Variants in TM7SF3 observed in about 807,000 individuals in gnomAD.
TM7SF3 encodes transmembrane 7 superfamily member 3, also known as seven span transmembrane protein.
TM7SF3 carries 60 observed loss-of-function variants against 65.5 expected under a neutral mutation model. The observed-to-expected ratio is 0.92, with a 90% CI of 0.74 to 1.14. TM7SF3 has a LOEUF of 1.14. Ranked by LOEUF, TM7SF3 falls within the 50% of genes most tolerant of loss-of-function variation. The probability of loss-of-function intolerance (pLI) is 0.00; values close to 1 mark genes in which losing one functional copy is unlikely to be tolerated. For synonymous variants in TM7SF3, 264 were observed against 259.6 expected (o/e 1.02, Z -0.16); for missense variants, 623 against 684.8 (o/e 0.91, Z 1.01).
intron 9 of TM7SF3, among the ~76,000 whole-genome samples, chr12:26,977,713 G>A (rs1344581105): frequency 2.6e-5 from 4 of 152,068 alleles, no homozygotes; most frequent in Non-Finnish European, 1.5e-5. Flanking sequence ...GAGACTGCGC[G>A]ACTGCACTCT....
intron 1 of TM7SF3, 22 bp from the exon 2 acceptor site, chr12:27,003,412 AT>A: frequency 6.3e-7 from 1 of 1,596,114 alleles, no homozygotes; most frequent in Non-Finnish European, 8.5e-7. Context: ...TAAACTTTTC[AT>A]TACAACACTT....
chr12:26,983,891 C>G (rs1377705878), intron 6 of TM7SF3, among the ~76,000 whole-genome samples: 1 of 152,100 alleles, frequency 6.6e-6, no homozygotes, highest in Non-Finnish European at 1.5e-5. Flanking sequence ...CATCACCCAC[C>G]ATCATGAGAT....
rs1379963594 is a variant in TM7SF3, at chr12:26,995,398, G to T, written c.529C>A (p.Pro177Thr). Reference sequence around the variant, plus strand: ...TCTGTCCCAGCGTCACATGGTGGGGGATCTACGCCTCTAAAGTCAACCAAC... The same window carrying T: ...TCTGTCCCAGCGTCACATGGTGGGGTATCTACGCCTCTAAAGTCAACCAAC... ...ANLGYARGVD[P>T]PPCDAGTDQD... is the part of the protein sequence containing the mutation. The change falls in exon 5 of 12, where the codon CCC (proline) becomes ACC (threonine). Residue 177 changes from proline (P) to threonine (T), a missense_variant. Physicochemically the swap from Pro to Thr is conservative, Grantham distance 38. Coordinates refer to ENST00000343028, the MANE Select transcript of TM7SF3 (RefSeq NM_016551.3). The T allele has an allele frequency of 6.2e-7, 1 of 1,614,020 alleles. No homozygotes were observed. Among genetic ancestry groups the T allele is most frequent in the African/African-American group, 1.3e-5 (1 of 74,912 alleles).
At chr12:26,975,718 T>A in intron 10 of TM7SF3, 60 bp from the exon 11 acceptor site, 2 of 1,548,264 alleles carry the variant, frequency 1.3e-6, no homozygotes, top group Non-Finnish European at 1.8e-6. Flanking sequence ...AGTTTATAAC[T>A]CTCCACTGGC....
At chr12:26,980,968 TA>T (rs1159404021) in intron 7 of TM7SF3, among the ~76,000 whole-genome samples, 1 of 152,248 alleles carries the variant, frequency 6.6e-6, no homozygotes, top group Non-Finnish European at 1.5e-5. Context: ...GTTTTCTGCT[TA>T]AAATAAGAAT....
At chr12:27,000,026 G>C (rs1940766509) in intron 2 of TM7SF3, among the ~76,000 whole-genome samples, 1 of 152,190 alleles carries the variant, frequency 6.6e-6, no homozygotes, top group Non-Finnish European at 1.5e-5. Context: ...CTGTCTTATA[G>C]GCTGAAGACT....
At chr12:27,003,142 A>G in intron 2 of TM7SF3, 94 bp downstream of exon 2, 1 of 869,310 alleles carries the variant, frequency 1.2e-6, no homozygotes, top group Non-Finnish European at 1.7e-6. Flanking sequence ...ATAAACATAA[A>G]AGAGATAGAG....
intron 1 of TM7SF3, chr12:27,012,853 C>T (rs756488852): frequency 7.1e-5 from 27 of 382,470 alleles, no homozygotes; most frequent in Non-Finnish European, 1.3e-4. Context: ...CAAAAACTAG[C>T]TGGGTGTGGT....
intron 5 of TM7SF3, among the ~76,000 whole-genome samples, chr12:26,993,239 C>T (rs1940453239): frequency 6.6e-6 from 1 of 151,992 alleles, no homozygotes; most frequent in Non-Finnish European, 1.5e-5. Flanking sequence ...TCCTTCTTAC[C>T]CAAGATCAAA....
chr12:27,001,144 C>A (rs1305368545), intron 2 of TM7SF3, among the ~76,000 whole-genome samples: 2 of 152,080 alleles, frequency 1.3e-5, no homozygotes, highest in Non-Finnish European at 2.9e-5. Flanking sequence ...TTAGGAAGGG[C>A]ACAGGAAACA....
intron 9 of TM7SF3, 150 bp downstream of exon 9, chr12:26,979,634 G>A: frequency 1.3e-6 from 1 of 778,498 alleles, no homozygotes; most frequent in Non-Finnish European, 2.1e-6. Context: ...TAGTCCTGGT[G>A]CTGTCTGAAA....
In TM7SF3 at chr12:26,990,618, G is replaced by A; in HGVS notation, c.700C>T (p.Leu234=). The change falls in exon 6 of 12, where the codon CTA becomes TTA. Residue 234 remains leucine, a synonymous_variant. Coordinates refer to ENST00000343028, the MANE Select transcript of TM7SF3 (RefSeq NM_016551.3). The stretch of plus-strand genomic sequence containing the variant: ...ACACTTGTCTTATCATTAGCTGTTA[G>A]GGTAACCACCTGAAGCCAAAAATAA... ...VKASALKVVT[L]TANDKTSVSF... 1 of 1,613,056 alleles carries A rather than the reference G, an allele frequency of 6.2e-7. No homozygotes were observed. The highest frequency in any genetic ancestry group is 8.5e-7 in the Non-Finnish European group (1 of 1,179,400).
intron 6 of TM7SF3, among the ~76,000 whole-genome samples, chr12:26,990,188 T>C (rs1415930855): frequency 6.6e-6 from 1 of 152,168 alleles, no homozygotes; most frequent in South Asian, 2.1e-4. Context: ...TCCTACTTTA[T>C]TTATCTTCTT....
intron 1 of TM7SF3, among the ~76,000 whole-genome samples, chr12:27,013,567 G>A (rs776547435): frequency 9.9e-5 from 15 of 152,112 alleles, no homozygotes; most frequent in Non-Finnish European, 2.1e-4. Flanking sequence ...GATGGTAAAG[G>A]CTCTTTAAAA....
intron 2 of TM7SF3, among the ~76,000 whole-genome samples, chr12:27,000,739 G>GT (rs1940798141): frequency 6.6e-6 from 1 of 152,096 alleles, no homozygotes; most frequent in Non-Finnish European, 1.5e-5. Flanking sequence ...GATTACAGGC[G>GT]TGAGCCACCG....
chr12:26,990,385 C>G (rs1940296625), intron 6 of TM7SF3, 65 bp downstream of exon 6: 4 of 1,238,074 alleles, frequency 3.2e-6, no homozygotes, highest in Non-Finnish European at 3.5e-6. Flanking sequence ...TGAATGAGAA[C>G]TAGACAAAAG....
At chr12:26,995,205 C>A (rs1940538409) in intron 5 of TM7SF3, 32 bp downstream of exon 5, 2 of 1,596,052 alleles carry the variant, frequency 1.3e-6, no homozygotes, top group Admixed American at 3.5e-5. Flanking sequence ...GTGTCACAAT[C>A]CAGCCACACA....
At chr12:26,976,068 AAAAC>A (rs2136374354) in intron 10 of TM7SF3, among the ~76,000 whole-genome samples, 188 bp downstream of exon 10, 2 of 152,330 alleles carry the variant, frequency 1.3e-5, no homozygotes, top group African/African-American at 2.4e-5. Context: ...AAAAAAGAAA[AAAAC>A]AAACACCATG....
Position 26,974,247 on chromosome 12 carries a change from G to T in TM7SF3, c.1451-20C>A. ...TGAAGTCTAAAAAACAGTAGAAAAAGTACAGTTTGAACTCTAGTATTTTAA... is the reference window on the plus strand; with the variant it reads ...TGAAGTCTAAAAAACAGTAGAAAAATTACAGTTTGAACTCTAGTATTTTAA... On this transcript the variant is annotated intron_variant, in intron 11 of 11. Coordinates refer to ENST00000343028, the MANE Select transcript of TM7SF3 (RefSeq NM_016551.3). The T allele has an allele frequency of 6.2e-7, 1 of 1,608,540 alleles. No individual in the cohort carries two copies. The highest frequency in any genetic ancestry group is 8.5e-7 in the Non-Finnish European group (1 of 1,177,106).
Sources: gnomAD v4.1 joint callset for allele counts (sites outside exome capture counted in the v4.1 genomes callset) on GRCh38, gnomAD v4.1.1 for gene constraint, MANE v1.5 for transcripts, NCBI Gene and HGNC (gene_info 2026-07-23, HGNC 2026-07-21) for gene names.